Variants in KIF26B observed in about 807,000 individuals in gnomAD.
KIF26B encodes kinesin family member 26B.
KIF26B carries 63 observed loss-of-function variants against 151.2 expected under a neutral mutation model. That is an observed-to-expected ratio of 0.42 (90% confidence interval 0.34 to 0.51). KIF26B has a LOEUF of 0.51. KIF26B is among the 20% of genes least tolerant of loss of function. The probability of loss-of-function intolerance (pLI) is 0.07; values close to 1 mark genes in which losing one functional copy is unlikely to be tolerated. For synonymous variants in KIF26B, 1,357 were observed against 1,262.1 expected (o/e 1.08, Z -1.59); for missense variants, 2,813 against 2,913.6 (o/e 0.97, Z 0.79).
At chr1:245,641,975 A>C (rs1430515076) in intron 9 of KIF26B, among the ~76,000 whole-genome samples, 1 of 152,200 alleles carries the variant, frequency 6.6e-6, no homozygotes, top group Admixed American at 6.5e-5. Flanking sequence ...CAGAGATTCT[A>C]AGCCAACTGA....
intron 2 of KIF26B, among the ~76,000 whole-genome samples, chr1:245,209,832 A>G (rs1261529909): frequency 6.6e-6 from 1 of 152,232 alleles, no homozygotes; most frequent in Non-Finnish European, 1.5e-5. Context: ...GTGGGTGGCC[A>G]TGCTTTCCCT....
intron 4 of KIF26B, among the ~76,000 whole-genome samples, chr1:245,455,559 T>C (rs1425011686): frequency 1.3e-5 from 2 of 152,200 alleles, no homozygotes; most frequent in Non-Finnish European, 2.9e-5. Flanking sequence ...TGCATTAGTT[T>C]CTACCTACAG....
intron 5 of KIF26B, among the ~76,000 whole-genome samples, chr1:245,553,096 A>G (rs1484385982): frequency 6.6e-6 from 1 of 152,210 alleles, no homozygotes; most frequent in Non-Finnish European, 1.5e-5. Flanking sequence ...CAAATCATAC[A>G]ACATATGAGC....
In KIF26B at chr1:245,416,042, G is replaced by A. The variant is rs188817026; in HGVS notation, c.1000-3537G>A. Reference sequence around the variant, plus strand: ...AGCACTTTGGGAGGCTGAGGTGGGCGGATCACCTGAGGTCGGGAGTTCGAG... The same window carrying A: ...AGCACTTTGGGAGGCTGAGGTGGGCAGATCACCTGAGGTCGGGAGTTCGAG... On this transcript the variant is annotated intron_variant, in intron 3 of 14. Coordinates refer to ENST00000407071, the MANE Select transcript of KIF26B (RefSeq NM_018012.4). Among the ~76,000 whole-genome samples the A allele has an allele frequency of 1.5e-3, 222 of 150,828 alleles. 1 individual carries two copies. Among genetic ancestry groups the A allele is most frequent in the Non-Finnish European group, 2.2e-3 (148 of 67,800 alleles).
chr1:245,268,247 A>G (rs1185904599), intron 2 of KIF26B, among the ~76,000 whole-genome samples: 2 of 151,986 alleles, frequency 1.3e-5, no homozygotes, highest in Admixed American at 6.6e-5. Flanking sequence ...GGCCAGGTGG[A>G]TCACAAGGTC....
Position 245,367,259 on chromosome 1 carries a change from T to C in KIF26B, c.891T>C (p.Ser297=), listed in dbSNP as rs1437243023. ...AGGTCAGCCTCCAGATGGCCACCAG[T>C]CCAAGCAATGGGAACATCCTCAATT... ...QAKVSLQMAT[S]PSNGNILNSV... Residue 297 remains serine, a synonymous_variant, in exon 3 of 15, where the codon AGT becomes AGC. Coordinates refer to ENST00000407071, the MANE Select transcript of KIF26B (RefSeq NM_018012.4). This position sits in a 1 kb window ranked among gnomAD's most constrained non-coding sequence, Gnocchi z 4.2. The C allele has an allele frequency of 6.2e-7, 1 of 1,606,814 alleles. No homozygotes were observed. The highest frequency in any genetic ancestry group is 2.2e-5 in the East Asian group (1 of 44,618).
At chr1:245,656,822 G>A (rs899691637) in intron 10 of KIF26B, among the ~76,000 whole-genome samples, 2 of 152,080 alleles carry the variant, frequency 1.3e-5, no homozygotes, top group Admixed American at 6.5e-5. Flanking sequence ...TCATGCAAAT[G>A]AGGTTTTGTG....
chr1:245,210,042 G>A (rs1042461334), intron 2 of KIF26B, among the ~76,000 whole-genome samples: 1 of 152,242 alleles, frequency 6.6e-6, no homozygotes, highest in South Asian at 2.1e-4. Flanking sequence ...TCAAAATCCA[G>A]AGGCCAGGAA....
rs2044551549 is a variant in KIF26B, at chr1:245,687,736, A to G, written c.4753A>G (p.Lys1585Glu). The change falls in exon 12 of 15, where the codon AAG becomes GAG. Residue 1585 changes from lysine (K) to glutamate (E), a missense_variant. Physicochemically the swap from Lys to Glu is moderately conservative, Grantham distance 56. This residue lies in a region of KIF26B where 2,060 missense variants were observed against 2,088.6 expected (regional missense o/e 0.99). Transcript: ENST00000407071. This position sits in a 1 kb window ranked among gnomAD's most constrained non-coding sequence, Gnocchi z 4.9. ...CCTGGAGGGGAAGGTGGCTTCCCCC[A>G]AGCACTGTGTTCTGGCTCGGCCCAA... ...ATLEGKVASP[K>E]HCVLARPKGT... 6.3e-7 allele frequency: 1 copy of G among 1,577,886 alleles called. No homozygotes were observed. The highest frequency in any genetic ancestry group is 1.4e-5 in the African/African-American group (1 of 73,828).
At chr1:245,454,367 G>A (rs1659465821) in intron 4 of KIF26B, among the ~76,000 whole-genome samples, 1 of 152,204 alleles carries the variant, frequency 6.6e-6, no homozygotes, top group South Asian at 2.1e-4. Context: ...ATGCAAAGAA[G>A]GATGGAAATA....
chr1:245,311,433 T>C (rs142510541), intron 2 of KIF26B, among the ~76,000 whole-genome samples: 65 of 152,094 alleles, frequency 4.3e-4, no homozygotes, highest in Non-Finnish European at 8.2e-4. Context: ...CTGCTCTTTT[T>C]TGGGGAAGTT....
At chr1:245,203,868 C>G (rs761223357) in intron 2 of KIF26B, among the ~76,000 whole-genome samples, 1 of 152,182 alleles carries the variant, frequency 6.6e-6, no homozygotes, top group Non-Finnish European at 1.5e-5. Flanking sequence ...ATTCCAGTTG[C>G]TAGAGCAGAG....
chr1:245,577,856 C>T (rs12744910), intron 5 of KIF26B, among the ~76,000 whole-genome samples: 3 of 143,606 alleles, frequency 2.1e-5, no homozygotes, highest in African/African-American at 7.9e-5. Flanking sequence ...TGTGGAACTC[C>T]GGGCGATGCA....
chr1:245,419,845 C>A, intron 4 of KIF26B, 100 bp downstream of exon 4: 3 of 1,127,346 alleles, frequency 2.7e-6, no homozygotes, highest in Non-Finnish European at 3.8e-6. Context: ...GAGTTTGGGG[C>A]CGTTCTGTGA....
chr1:245,343,421 C>T (rs1672376888), intron 2 of KIF26B, among the ~76,000 whole-genome samples: 1 of 151,824 alleles, frequency 6.6e-6, no homozygotes, highest in African/African-American at 2.4e-5. Context: ...CATTCTGCCT[C>T]TGCTCTGCCA....
intron 2 of KIF26B, among the ~76,000 whole-genome samples, chr1:245,213,202 G>T (rs1173864873): frequency 6.6e-6 from 1 of 152,180 alleles, no homozygotes; most frequent in Non-Finnish European, 1.5e-5. Flanking sequence ...CCCTAAGGGG[G>T]CTTGGTTACC....
intron 9 of KIF26B, among the ~76,000 whole-genome samples, chr1:245,612,183 C>T (rs1228513289): frequency 6.6e-6 from 1 of 151,864 alleles, no homozygotes; most frequent in Non-Finnish European, 1.5e-5. Flanking sequence ...GATCACAGCT[C>T]ACTGCAGCCT....
In KIF26B at chr1:245,606,178, C is replaced by T. The variant is rs577325518; in HGVS notation, c.1558-1473C>T. On this transcript the variant is annotated intron_variant, in intron 6 of 14. Transcript: ENST00000407071. The surrounding 1 kb of genome is among the most constrained non-coding windows in gnomAD (Gnocchi z 4.6). ...AGCCCTGTCCTGCCACCCCCTCTGG[C>T]CCAGGAGGAGCCCCCCGCCCCCCGC... is the stretch of plus-strand genomic sequence containing the variant. Among the ~76,000 whole-genome samples the T allele has an allele frequency of 6.6e-6, 1 of 152,244 alleles. No individual in the cohort carries two copies. Among genetic ancestry groups the T allele is most frequent in the East Asian group, 1.9e-4 (1 of 5,180 alleles).
intron 12 of KIF26B, among the ~76,000 whole-genome samples, chr1:245,696,983 C>T (rs376432971): frequency 5.3e-5 from 8 of 152,108 alleles, no homozygotes; most frequent in South Asian, 2.1e-4. Context: ...TGGTAGCGGG[C>T]GCCTGTAGTC....
Sources: gnomAD v4.1 joint callset for allele counts (sites outside exome capture counted in the v4.1 genomes callset) on GRCh38, gnomAD v4.1.1 for gene constraint, gnomAD v4.1.1 regional missense constraint, Gnocchi (gnomAD v3.1) non-coding constraint, MANE v1.5 for transcripts, NCBI Gene and HGNC (gene_info 2026-07-23, HGNC 2026-07-21) for gene names.